Variants in PLA2G4D observed in about 807,000 individuals in gnomAD.
PLA2G4D encodes the protein phospholipase A2 group IVD.
Under a neutral mutation model 94.4 loss-of-function variants are expected in PLA2G4D, and 80 were observed. The ratio of observed to expected loss-of-function variants is 0.85; its 90% CI spans 0.71 to 1.02. The LOEUF (loss-of-function observed/expected upper bound fraction) is 1.02, where lower values mean the gene tolerates loss of function less well. PLA2G4D is among the 50% of genes least tolerant of loss of function. PLA2G4D has a pLI of 0.00. For missense variants in PLA2G4D, 1,050 were observed against 1,034.7 expected, an observed-to-expected ratio of 1.01 and a Z score of -0.20; for synonymous variants, 438 against 440.9, an observed-to-expected ratio of 0.99 and a Z score of 0.08.
chr15:42,081,880 A>G (rs773168235), intron 9 of PLA2G4D, 46 bp from the exon 10 acceptor site: 1 of 1,609,808 alleles, frequency 6.2e-7, no homozygotes, highest in Non-Finnish European at 8.5e-7. Flanking sequence ...CTAGACCCTA[A>G]GCGGCACATG....
chr15:42,072,457 A>C, intron 13 of PLA2G4D, 65 bp from the exon 14 acceptor site: 1 of 1,290,580 alleles, frequency 7.7e-7, no homozygotes, highest in Non-Finnish European at 1.1e-6. Context: ...TGGCTCCGCC[A>C]GGACAGGGGC....
Position 42,085,443 on chromosome 15 carries a change from C to T in PLA2G4D, c.428+48G>A, listed in dbSNP as rs940191620. On this transcript the variant is annotated intron_variant, in intron 5 of 19. Transcript: ENST00000290472. ...GAGATCTGGGTCAGGGCCATTTCCTCAGAGCCTGAGTCCTGAGACACTCCC... is the reference window on the plus strand; with the variant it reads ...GAGATCTGGGTCAGGGCCATTTCCTTAGAGCCTGAGTCCTGAGACACTCCC... 2.2e-5 allele frequency: 35 copies of T among 1,581,438 alleles called. No individual in the cohort carries two copies. In the East Asian group the frequency reaches 7.6e-4, roughly 34 times the overall value.
chr15:42,070,153 A>G, intron 18 of PLA2G4D, 58 bp from the exon 19 acceptor site: 1 of 1,382,598 alleles, frequency 7.2e-7, no homozygotes, highest in Non-Finnish European at 9.5e-7. Context: ...ATGCTGGGCC[A>G]GTTCCAGCCC....
At chr15:42,083,909 T>G in intron 6 of PLA2G4D, 130 bp from the exon 7 acceptor site, 1 of 891,746 alleles carries the variant, frequency 1.1e-6, no homozygotes, top group East Asian at 2.6e-5. Flanking sequence ...CAGGATGGGA[T>G]TGGCTGCAGA....
chr15:42,091,438 C>T (rs961207113), intron 1 of PLA2G4D, among the ~76,000 whole-genome samples: 1 of 152,192 alleles, frequency 6.6e-6, no homozygotes, highest in East Asian at 1.9e-4. Flanking sequence ...TCTGTTATGC[C>T]CAGACAGGGC....
chr15:42,094,465 C>G lies in PLA2G4D; in HGVS notation c.-6G>C. 1 of 1,614,132 alleles carries G rather than the reference C, an allele frequency of 6.2e-7. No homozygotes were observed. Among genetic ancestry groups the G allele is most frequent in the Non-Finnish European group, 8.5e-7 (1 of 1,180,006 alleles). ...CCAGGTGACAGGCTCTCCATGCTAG[C>G]CCTTCCAGCTTCACTCCAGGCCCAG... On this transcript the variant is annotated 5_prime_UTR_variant, in exon 1 of 20. Coordinates refer to ENST00000290472, the MANE Select transcript of PLA2G4D (RefSeq NM_178034.4).
At chr15:42,082,423 T>C in intron 8 of PLA2G4D, 34 bp from the exon 9 acceptor site, 4 of 1,533,336 alleles carry the variant, frequency 2.6e-6, no homozygotes, top group Non-Finnish European at 2.7e-6. Context: ...CATTCATTCA[T>C]TCATTCAACA....
chr15:42,069,194 A>G (rs1009117687), intron 19 of PLA2G4D, among the ~76,000 whole-genome samples: 2 of 152,126 alleles, frequency 1.3e-5, no homozygotes, highest in South Asian at 2.1e-4. Context: ...GCAGCCCCAC[A>G]TGTCTCTACA....
chr15:42,079,360 C>T (rs550504918), intron 13 of PLA2G4D, among the ~76,000 whole-genome samples, 177 bp downstream of exon 13: 2 of 152,362 alleles, frequency 1.3e-5, no homozygotes, highest in South Asian at 4.1e-4. Flanking sequence ...TGTTTTACAG[C>T]AATTAATTAA....
At chr15:42,087,944 A>T (rs1286079348) in intron 1 of PLA2G4D, among the ~76,000 whole-genome samples, 1 of 152,232 alleles carries the variant, frequency 6.6e-6, no homozygotes, top group African/African-American at 2.4e-5. Flanking sequence ...GAATTTGTGG[A>T]ACCCCTTCCC....
In PLA2G4D at chr15:42,086,147, G is replaced by C. The variant is rs1184393840; in HGVS notation, c.387+66C>G. The C allele has an allele frequency of 2.0e-6, 3 of 1,485,274 alleles. No individual in the cohort carries two copies. The Admixed American group carries it at 6.0e-5, about 30-fold the overall frequency. The allele number at this position is 1,485,274 out of a possible 1,614,324, so 92.0% of individuals were successfully genotyped here. On this transcript the variant is annotated intron_variant, in intron 4 of 19. Transcript: ENST00000290472. The stretch of plus-strand genomic sequence containing the variant: ...AGCCTCCCAACAGGTGGGAGAAATA[G>C]CTACTTCCTCAGCTTGGAGTTGGAA...
chr15:42,069,748 A>G (rs1346644575), intron 19 of PLA2G4D, among the ~76,000 whole-genome samples, 161 bp downstream of exon 19: 1 of 152,184 alleles, frequency 6.6e-6, no homozygotes, highest in Non-Finnish European at 1.5e-5. Flanking sequence ...ATCAGCAAGG[A>G]GGCCAGGGTG....
chr15:42,083,965 AT>A (rs1890093501), intron 6 of PLA2G4D, 186 bp from the exon 7 acceptor site: 1 of 597,636 alleles, frequency 1.7e-6, no homozygotes, highest in East Asian at 2.9e-5. Flanking sequence ...TGAACCTGAT[AT>A]TCCGCAGCAG....
At chr15:42,080,724 A>G (rs566015056) in intron 12 of PLA2G4D, among the ~76,000 whole-genome samples, 52 of 152,278 alleles carry the variant, frequency 3.4e-4, no homozygotes, top group African/African-American at 1.3e-3. Context: ...CCAGCCAGTA[A>G]GTGGTGCTGC....
intron 19 of PLA2G4D, 95 bp downstream of exon 19, chr15:42,069,814 G>C: frequency 8.8e-7 from 1 of 1,138,102 alleles, no homozygotes; most frequent in Non-Finnish European, 1.2e-6. Context: ...TCTCCTGGCA[G>C]ACTCATTTCC....
chr15:42,080,936 C>G (rs1566863059), intron 12 of PLA2G4D, 61 bp downstream of exon 12: 1 of 1,568,798 alleles, frequency 6.4e-7, no homozygotes, highest in African/African-American at 1.4e-5. Context: ...CCCTCTGGTG[C>G]CCACTCTGCC....
At chr15:42,083,578 C>A in intron 7 of PLA2G4D, 138 bp downstream of exon 7, 1 of 1,150,642 alleles carries the variant, frequency 8.7e-7, no homozygotes, top group Non-Finnish European at 1.3e-6. Context: ...AGATGCGTGG[C>A]CCTCTGTGCC....
intron 1 of PLA2G4D, 103 bp from the exon 2 acceptor site, chr15:42,087,803 G>C: frequency 8.1e-7 from 1 of 1,234,314 alleles, no homozygotes; most frequent in African/African-American, 1.5e-5. Flanking sequence ...CCTGGTACTT[G>C]GTGGTGCTGA....
At position 42,068,854 on chromosome 15, in the gene PLA2G4D, T is replaced by C. The variant is rs1889741753; in HGVS notation, c.2318A>G (p.Tyr773Cys). 2 of 1,613,886 alleles carry C rather than the reference T, an allele frequency of 1.2e-6. No individual in the cohort carries two copies. Among genetic ancestry groups the C allele is most frequent in the Non-Finnish European group, 1.7e-6 (2 of 1,179,950 alleles). The change falls in exon 20 of 20, where the codon TAC (tyrosine) becomes TGC (cysteine). Residue 773 changes from tyrosine to cysteine, a missense_variant. Coordinates refer to ENST00000290472, the MANE Select transcript of PLA2G4D (RefSeq NM_178034.4). ...TCPYTLSNMT[Y>C]KEEDFERLLR... ...CAGGCGCTCGAAGTCTTCCTCCTTG[T>C]AGGTCATGTTGGACAGGGTGTAGGG...
Sources: gnomAD v4.1 joint callset for allele counts (sites outside exome capture counted in the v4.1 genomes callset) on GRCh38, gnomAD v4.1.1 for gene constraint, MANE v1.5 for transcripts, NCBI Gene and HGNC (gene_info 2026-07-23, HGNC 2026-07-21) for gene names.